Variants in GIP observed in about 807,000 individuals in gnomAD.
The protein encoded by GIP is glucose-dependent insulinotropic polypeptide.
Under a neutral mutation model 18.1 loss-of-function variants are expected in GIP, and 16 were observed. The observed-to-expected ratio is 0.88, with a 90% confidence interval of 0.60 to 1.34. The LOEUF (loss-of-function observed/expected upper bound fraction) is 1.34. GIP is among the 40% of genes most tolerant of loss of function. The pLI is 0.00. For missense variants in GIP, 192 were observed against 183.4 expected, an observed-to-expected ratio of 1.05 and a Z score of -0.27; for synonymous variants, 76 against 74.0, an observed-to-expected ratio of 1.03 and a Z score of -0.14.
At chr17:48,960,675 TG>T (rs1215479127) in intron 5 of GIP, among the ~76,000 whole-genome samples, 1 of 152,270 alleles carries the variant, frequency 6.6e-6, no homozygotes, top group East Asian at 1.9e-4. Flanking sequence ...TTTTTTCTTT[TG>T]TTTTTTTTCT....
intron 2 of GIP, 106 bp downstream of exon 2, chr17:48,967,041 T>TGG: frequency 1.2e-6 from 1 of 833,634 alleles, no homozygotes; most frequent in Admixed American, 2.0e-5. Context: ...TTCCTACCTC[T>TGG]TAGCCTGGAT....
intron 3 of GIP, 132 bp downstream of exon 3, chr17:48,964,166 AAAAAAAAAAAAG>A (rs2041219439): frequency 1.8e-6 from 1 of 559,060 alleles, no homozygotes; most frequent in African/African-American, 1.9e-5. Context: ...TCTCAAAAAA[AAAAAAAAAAAAG>A]AAAAGAAAAA....
At chr17:48,961,893 C>T (rs1280785428) in intron 3 of GIP, 74 bp from the exon 4 acceptor site, 2 of 997,984 alleles carry the variant, frequency 2.0e-6, no homozygotes, top group South Asian at 1.4e-5. Flanking sequence ...CTTTTAATAT[C>T]TGAACCCCAA....
chr17:48,961,128 T>C, intron 4 of GIP, 141 bp from the exon 5 acceptor site: 2 of 603,762 alleles, frequency 3.3e-6, no homozygotes, highest in Non-Finnish European at 5.8e-6. Flanking sequence ...TTGGCTCAGC[T>C]CTGAGATCTG....
At chr17:48,965,661 A>G (rs2041232673) in intron 2 of GIP, among the ~76,000 whole-genome samples, 1 of 150,424 alleles carries the variant, frequency 6.6e-6, no homozygotes. Flanking sequence ...ACTGAGTCAC[A>G]CAATTCCCTC....
rs746715946 is a variant in GIP, at chr17:48,967,267, A to C, written c.-21-14T>G. The C allele has an allele frequency of 6.3e-7, 1 of 1,580,582 alleles. No homozygotes were observed. The highest frequency in any genetic ancestry group is 2.2e-5 in the East Asian group (1 of 44,702). On this transcript the variant is annotated splice_polypyrimidine_tract_variant and intron_variant, in intron 1 of 5. Coordinates refer to ENST00000357424, the MANE Select transcript of GIP (RefSeq NM_004123.3). Reference sequence around the variant, plus strand: ...TTATTTCCTGAGCTAAGACAGAAAAAAGCCAGGACATGTTGAGAGAGCAAC... The same window carrying C: ...TTATTTCCTGAGCTAAGACAGAAAACAGCCAGGACATGTTGAGAGAGCAAC...
chr17:48,959,792 G>T (rs11650522), intron 5 of GIP, among the ~76,000 whole-genome samples: 52,167 of 78,328 alleles, frequency 0.67, 17,119 homozygotes, highest in East Asian at 0.85. Context: ...GGCTCAGCTC[G>T]GTGGGTAGGG....
intron 2 of GIP, among the ~76,000 whole-genome samples, chr17:48,965,150 A>AAAAAAAAAAAAAAAAAAAAAAAAAAG (rs139160589): frequency 7.0e-6 from 1 of 143,562 alleles, no homozygotes; most frequent in Non-Finnish European, 1.5e-5. Context: ...AAAAAAAAAA[A>AAAAAAAAAAAAAAAAAAAAAAAAAAG]ATTAGCCAGG....
intron 2 of GIP, among the ~76,000 whole-genome samples, chr17:48,966,188 C>T (rs1303792721): frequency 1.4e-5 from 2 of 145,744 alleles, no homozygotes; most frequent in African/African-American, 2.6e-5. Flanking sequence ...ACCCGGGAGG[C>T]GGAGGTTGCA....
In GIP at chr17:48,961,088, G is replaced by A. The variant is rs376041587; in HGVS notation, c.351-101C>T. On this transcript the variant is annotated intron_variant, in intron 4 of 5. Transcript: ENST00000357424. ...ACCACTGAGGGGCAGCCGCGGATGG[G>A]GGGAGGGAGCCGACACAGCTATCTC... 1.0e-5 allele frequency: 7 copies of A among 697,618 alleles called. No individual in the cohort carries two copies. In the African/African-American group the frequency reaches 1.1e-4, roughly 11 times the overall value. The allele number at this position is 697,618 out of a possible 1,614,324, so 43.2% of individuals were successfully genotyped here. A position where few individuals can be genotyped will look rare whatever the true frequency, so the allele number is the denominator to read the frequency against.
Position 48,961,763 on chromosome 17 carries a change from G to A in GIP, c.314C>T (p.Ala105Val). The change falls in exon 4 of 6, where the codon GCT (alanine) becomes GTT (valine). Residue 105 changes from alanine (A) to valine (V), a missense_variant. Coordinates refer to ENST00000357424, the MANE Select transcript of GIP (RefSeq NM_004123.3). ...EARALELASQ[A>V]NRKEEEAVEP... ...CACTGCCTCCTCCTCCTTCCTATTAGCTTGACTGGCCAGCTCCAGCGCCCG... is the reference window on the plus strand; with the variant it reads ...CACTGCCTCCTCCTCCTTCCTATTAACTTGACTGGCCAGCTCCAGCGCCCG... 6.2e-7 allele frequency: 1 copy of A among 1,612,602 alleles called. No individual in the cohort carries two copies. The highest frequency in any genetic ancestry group is 8.5e-7 in the Non-Finnish European group (1 of 1,179,552).
At position 48,964,494 on chromosome 17, in the gene GIP, T is replaced by C. The variant is rs760280649; in HGVS notation, c.87-14A>G. The C allele has an allele frequency of 9.9e-6, 16 of 1,611,448 alleles. No individual in the cohort carries two copies. The African/African-American group carries it at 2.0e-4, about 20-fold the overall frequency. ...GAGGGGAGAGCGCTGGAAACAAGGG[T>C]GCGGAGAAGGGGCAGAGATGGGGGG... On this transcript the variant is annotated splice_polypyrimidine_tract_variant and intron_variant, in intron 2 of 5. Coordinates refer to ENST00000357424, the MANE Select transcript of GIP (RefSeq NM_004123.3).
At chr17:48,962,569 A>G (rs538968715) in intron 3 of GIP, among the ~76,000 whole-genome samples, 5 of 150,096 alleles carry the variant, frequency 3.3e-5, no homozygotes, top group African/African-American at 7.4e-5. Context: ...GGATTTCACC[A>G]TGTTGGCCAG....
chr17:48,958,774 C>T (rs747541776), intron 5 of GIP, 58 bp from the exon 6 acceptor site: 9 of 1,439,014 alleles, frequency 6.3e-6, no homozygotes, highest in South Asian at 1.2e-5. Context: ...CGGCCAAGCA[C>T]ATTTATCCTG....
rs1157987048 is a variant in GIP, at chr17:48,967,244, A to G, written c.-12T>C. The G allele has an allele frequency of 6.2e-7, 1 of 1,611,924 alleles. No homozygotes were observed. The highest frequency in any genetic ancestry group is 1.3e-5 in the African/African-American group (1 of 74,932). On this transcript the variant is annotated 5_prime_UTR_variant, in exon 2 of 6. Transcript: ENST00000357424. The stretch of plus-strand genomic sequence containing the variant: ...TTCGTGGCCACCATCTTCCAAGGTT[A>G]TTTCCTGAGCTAAGACAGAAAAAAG...
At chr17:48,961,686 G>T (rs1177154341) in intron 4 of GIP, 41 bp downstream of exon 4, 2 of 1,286,208 alleles carry the variant, frequency 1.6e-6, no homozygotes, top group South Asian at 2.4e-5. Context: ...GGGCGGGGCA[G>T]GAGGCTTGGC....
At chr17:48,963,628 C>G (rs565810080) in intron 3 of GIP, among the ~76,000 whole-genome samples, 1 of 151,718 alleles carries the variant, frequency 6.6e-6, no homozygotes, top group Non-Finnish European at 1.5e-5. Flanking sequence ...CCACTGCACT[C>G]CAGCCTGGGC....
Position 48,967,016 on chromosome 17 carries a change from G to T in GIP, c.86+131C>A. ...CACTTTGCACTCACGCTGCCGGCAG[G>T]TATTTCCCTGGAGCTTCCTACCTCT... On this transcript the variant is annotated intron_variant, in intron 2 of 5. Coordinates refer to ENST00000357424, the MANE Select transcript of GIP (RefSeq NM_004123.3). The T allele has an allele frequency of 4.5e-6, 3 of 667,208 alleles. No individual in the cohort carries two copies. In the South Asian group the frequency reaches 5.3e-5, roughly 12 times the overall value. The allele number at this position is 667,208 out of a possible 1,614,324, so 41.3% of individuals were successfully genotyped here. A position where few individuals can be genotyped will look rare whatever the true frequency, so the allele number is the denominator to read the frequency against.
In GIP at chr17:48,958,636, A is replaced by G. The variant is rs1006314688; in HGVS notation, c.*71T>C. On this transcript the variant is annotated 3_prime_UTR_variant, in exon 6 of 6. Coordinates refer to ENST00000357424, the MANE Select transcript of GIP (RefSeq NM_004123.3). ...TTTATTGGTTTGGGTTCTCTTGGCTATTCTGGAGTGGGGCTGAGGCAGGTG... is the reference window on the plus strand; with the variant it reads ...TTTATTGGTTTGGGTTCTCTTGGCTGTTCTGGAGTGGGGCTGAGGCAGGTG... 181 of 1,289,260 alleles carry G rather than the reference A, an allele frequency of 1.4e-4. No homozygotes were observed. The highest frequency in any genetic ancestry group is 2.0e-4 in the Admixed American group (10 of 49,756). 79.9% of individuals were successfully genotyped at this position (1,289,260 alleles called of 1,614,324 possible).
Sources: allele counts gnomAD v4.1 joint callset (sites outside exome capture counted in the v4.1 genomes callset), GRCh38; gene constraint gnomAD v4.1.1; transcripts MANE v1.5; gene names NCBI Gene and HGNC (gene_info 2026-07-23, HGNC 2026-07-21).